NRG3: variants seen among roughly 807,000 people sequenced by gnomAD.
NRG3 encodes the protein neuregulin 3.
In NRG3, 31 loss-of-function variants were observed where a neutral mutation model predicts 66.9. The ratio of observed to expected loss-of-function variants is 0.46; its 90% CI spans 0.35 to 0.63. NRG3 has a LOEUF of 0.63. NRG3 is among the 20% of genes least tolerant of loss of function. The pLI is 0.00. For missense variants in NRG3, 910 were observed against 878.9 expected (o/e 1.04, Z -0.45); for synonymous variants, 393 against 359.4 (o/e 1.09, Z -1.06).
chr10:81,999,289 A>G (rs1205508479), intron 1 of NRG3, among the ~76,000 whole-genome samples: 1 of 152,214 alleles, frequency 6.6e-6, no homozygotes, highest in Non-Finnish European at 1.5e-5. Flanking sequence ...GACAGTAGAA[A>G]TTGAAGAAAA....
chr10:82,459,426 A>G (rs1423367474), intron 2 of NRG3, among the ~76,000 whole-genome samples: 5 of 152,172 alleles, frequency 3.3e-5, no homozygotes. Flanking sequence ...CATTCATTCA[A>G]AAACCACCCA....
intron 1 of NRG3, among the ~76,000 whole-genome samples, chr10:82,129,463 A>G (rs983757336): frequency 6.6e-6 from 1 of 152,212 alleles, no homozygotes; most frequent in African/African-American, 2.4e-5. Flanking sequence ...GACATGAGAT[A>G]TTTTGATACA....
chr10:82,256,010 A>G (rs1370656290), intron 1 of NRG3, among the ~76,000 whole-genome samples: 5 of 151,216 alleles, frequency 3.3e-5, no homozygotes, highest in Non-Finnish European at 7.4e-5. Context: ...TGCAACCTCC[A>G]TCTCCTGGGT....
At chr10:82,945,345 T>G (rs2132301955) in intron 4 of NRG3, among the ~76,000 whole-genome samples, 1 of 152,342 alleles carries the variant, frequency 6.6e-6, no homozygotes, top group South Asian at 2.1e-4. Context: ...CTTATGGTTC[T>G]TTGTGCTGTG....
chr10:82,575,980 G>A (rs1056946890), intron 2 of NRG3, among the ~76,000 whole-genome samples: 1 of 151,632 alleles, frequency 6.6e-6, no homozygotes, highest in Non-Finnish European at 1.5e-5. Flanking sequence ...TGTTCTGAGA[G>A]TCATCTTCCA....
At chr10:81,911,984 T>C (rs1345376236) in intron 1 of NRG3, among the ~76,000 whole-genome samples, 1 of 152,088 alleles carries the variant, frequency 6.6e-6, no homozygotes, top group African/African-American at 2.4e-5. Flanking sequence ...TTACCAGAGA[T>C]TAGAAAGTGC....
At chr10:82,310,240 G>A (rs74631914) in intron 1 of NRG3, among the ~76,000 whole-genome samples, 146 of 152,230 alleles carry the variant, frequency 9.6e-4, no homozygotes, top group African/African-American at 3.3e-3. Context: ...TGGAAGGATG[G>A]GGCAGGCACC....
chr10:82,902,493 C>T (rs867636695), intron 4 of NRG3, among the ~76,000 whole-genome samples: 3 of 151,546 alleles, frequency 2.0e-5, no homozygotes, highest in Admixed American at 6.6e-5. Flanking sequence ...GTGGTCTTAG[C>T]CATAAAAAAG....
At chr10:81,878,700 T>G (rs575069079) in intron 1 of NRG3, among the ~76,000 whole-genome samples, 1 of 152,354 alleles carries the variant, frequency 6.6e-6, no homozygotes, top group African/African-American at 2.4e-5. Flanking sequence ...TCCTTTCTTT[T>G]TTTTAAATGA....
rs2089352059 is a variant in NRG3 at position 82,425,283 on chromosome 10, C to T, written c.953+66415C>T. ...TCTTCTGATTCATTACATTGGGTCT[C>T]ATTTCAAATATTTAGGCTTTCTTAA... On this transcript the variant is annotated intron_variant, in intron 2 of 8. Coordinates refer to ENST00000372141, the MANE Select transcript of NRG3 (RefSeq NM_001010848.4). Among the ~76,000 whole-genome samples the T allele has an allele frequency of 2.6e-5, 4 of 152,076 alleles. No individual in the cohort carries two copies. In the South Asian group the frequency reaches 8.3e-4, roughly 31 times the overall value.
chr10:82,667,033 G>A (rs191495030), intron 2 of NRG3, among the ~76,000 whole-genome samples: 1 of 152,316 alleles, frequency 6.6e-6, no homozygotes, highest in East Asian at 1.9e-4. Context: ...TAAGTTGAAA[G>A]AAGCAGAGTT....
intron 1 of NRG3, among the ~76,000 whole-genome samples, chr10:82,020,805 T>C (rs186354634): frequency 2.6e-5 from 4 of 152,268 alleles, no homozygotes; most frequent in East Asian, 3.9e-4. Context: ...TCAGTTTACT[T>C]ATTATAAATG....
At chr10:82,209,027 G>A (rs2075268390) in intron 1 of NRG3, among the ~76,000 whole-genome samples, 1 of 152,098 alleles carries the variant, frequency 6.6e-6, no homozygotes, top group African/African-American at 2.4e-5. Context: ...AAAAGAATGG[G>A]TGGAAAGAGA....
At chr10:82,914,320 A>T (rs1467557076) in intron 4 of NRG3, among the ~76,000 whole-genome samples, 1 of 151,328 alleles carries the variant, frequency 6.6e-6, no homozygotes, top group Admixed American at 6.6e-5. Context: ...TTCAGATTTA[A>T]TTTTTTTTTC....
At chr10:81,934,095 C>T (rs1051413080) in intron 1 of NRG3, among the ~76,000 whole-genome samples, 1 of 152,108 alleles carries the variant, frequency 6.6e-6, no homozygotes, top group African/African-American at 2.4e-5. Flanking sequence ...AGACAGATCC[C>T]CAATTCAGAA....
At chr10:81,949,589 G>T (rs1849148562) in intron 1 of NRG3, among the ~76,000 whole-genome samples, 1 of 151,990 alleles carries the variant, frequency 6.6e-6, no homozygotes, top group Admixed American at 6.6e-5. Flanking sequence ...CTGGCAAATG[G>T]GTAACTCTTA....
At chr10:81,893,225 A>G (rs1328070336) in intron 1 of NRG3, among the ~76,000 whole-genome samples, 2 of 150,342 alleles carry the variant, frequency 1.3e-5, no homozygotes, top group East Asian at 3.9e-4. Flanking sequence ...TATTTGCAAA[A>G]TGAAGTTGTA....
At chr10:82,764,209 A>G (rs1006398530) in intron 3 of NRG3, among the ~76,000 whole-genome samples, 1 of 151,776 alleles carries the variant, frequency 6.6e-6, no homozygotes, top group Non-Finnish European at 1.5e-5. Context: ...TACTTTTTGT[A>G]CTTTTAGTGG....
At chr10:82,569,817 G>A (rs1320562161) in intron 2 of NRG3, among the ~76,000 whole-genome samples, 1 of 151,590 alleles carries the variant, frequency 6.6e-6, no homozygotes, top group Non-Finnish European at 1.5e-5. Flanking sequence ...TCTCTCATAT[G>A]AGTGATAAAT....
Sources: allele counts gnomAD v4.1 joint callset (sites outside exome capture counted in the v4.1 genomes callset), GRCh38; gene constraint gnomAD v4.1.1; transcripts MANE v1.5; gene names NCBI Gene and HGNC (gene_info 2026-07-23, HGNC 2026-07-21).